The following RAB3C variants were observed in gnomAD, a reference collection of about 807,000 sequenced individuals.
RAB3C encodes RAB3C, member RAS oncogene family.
Under a neutral mutation model 26.4 loss-of-function variants are expected in RAB3C, and 17 were observed. The observed-to-expected ratio is 0.64, with a 90% CI of 0.44 to 0.97. The LOEUF (loss-of-function observed/expected upper bound fraction) is 0.97. Among genes scored for constraint, RAB3C ranks in the 50% least tolerant of loss-of-function variants. The pLI, the probability that RAB3C is intolerant of heterozygous loss-of-function variation, is 0.00. For missense variants in RAB3C, 242 were observed against 281.9 expected, an observed-to-expected ratio of 0.86 and a Z score of 1.01; for synonymous variants, 91 against 95.9, an observed-to-expected ratio of 0.95 and a Z score of 0.30.
chr5:58,814,961 A>G (rs749819302), intron 3 of RAB3C, among the ~76,000 whole-genome samples: 26 of 152,110 alleles, frequency 1.7e-4, no homozygotes, highest in Non-Finnish European at 3.5e-4. Context: ...GAGCTCTCGA[A>G]ATATGTTCTC....
intron 2 of RAB3C, among the ~76,000 whole-genome samples, chr5:58,705,128 G>A (rs778635253): frequency 2.6e-5 from 4 of 151,926 alleles, no homozygotes; most frequent in Non-Finnish European, 5.9e-5. Flanking sequence ...GGTTATTTAT[G>A]ACATCACATT....
intron 2 of RAB3C, among the ~76,000 whole-genome samples, chr5:58,624,147 G>C (rs937332357): frequency 6.6e-6 from 1 of 152,138 alleles, no homozygotes; most frequent in South Asian, 2.1e-4. Flanking sequence ...GCCAGGCACT[G>C]TGCCAGGCAT....
chr5:58,755,499 G>C lies in RAB3C; in HGVS notation c.371+29379G>C, dbSNP rs74476906. On this transcript the variant is annotated intron_variant, in intron 3 of 4. Coordinates refer to ENST00000282878, the MANE Select transcript of RAB3C (RefSeq NM_138453.4). ...ATACTGAAGTGAGTGTACCTCCATAGGCTACTGCAAGAGAGTACTAGGGGC... is the reference window on the plus strand; with the variant it reads ...ATACTGAAGTGAGTGTACCTCCATACGCTACTGCAAGAGAGTACTAGGGGC... Among the ~76,000 whole-genome samples, 9 of 152,280 alleles carry C rather than the reference G, an allele frequency of 5.9e-5. No individual in the cohort carries two copies. In the East Asian group the frequency reaches 1.5e-3, roughly 26 times the overall value.
In RAB3C at chr5:58,583,487, A is replaced by T. The variant is rs187120168; in HGVS notation, c.24+255A>T. Among the ~76,000 whole-genome samples, 11 of 152,252 alleles carry T rather than the reference A, an allele frequency of 7.2e-5. No individual in the cohort carries two copies. The East Asian group carries it at 2.1e-3, about 29-fold the overall frequency. ...TAAAGAGGATAAGAGTGTCTGTCTA[A>T]AATGAAAACCCAAGCAAACAAAAGT... On this transcript the variant is annotated intron_variant, in intron 1 of 4. Transcript: ENST00000282878.
rs145992378 is a variant in RAB3C at position 58,789,618 on chromosome 5, G to A, written c.372-35420G>A. Reference sequence around the variant, plus strand: ...AGCCAGGGCCACACAGTTAATGAGTGGAGGAGACAGGATTTGAACTCAGAT... The same window carrying A: ...AGCCAGGGCCACACAGTTAATGAGTAGAGGAGACAGGATTTGAACTCAGAT... On this transcript the variant is annotated intron_variant, in intron 3 of 4. Coordinates refer to ENST00000282878, the MANE Select transcript of RAB3C (RefSeq NM_138453.4). Among the ~76,000 whole-genome samples the A allele has an allele frequency of 1.0e-2, 1,519 of 152,240 alleles. 35 individuals carry two copies. The highest frequency in any genetic ancestry group is 0.035 in the African/African-American group (1,443 of 41,542).
At position 58,852,728 on chromosome 5, in the gene RAB3C, T is replaced by A. The variant is rs564451238; in HGVS notation, c.*1377T>A. 6.6e-6 allele frequency: 1 copy of A among 152,158 alleles called. No individual in the cohort carries two copies. Among genetic ancestry groups the A allele is most frequent in the Non-Finnish European group, 1.5e-5 (1 of 68,024 alleles). The allele number at this position is 152,158 out of a possible 1,614,324, so 9.4% of individuals were successfully genotyped here. ...GCTGTACAGAGAGCAACAGGGAAAT[T>A]TGGCCTCTGTATCACTGTCCAGCAT... On this transcript the variant is annotated 3_prime_UTR_variant, in exon 5 of 5. Transcript: ENST00000282878.
At chr5:58,765,893 C>T (rs10073245) in intron 3 of RAB3C, among the ~76,000 whole-genome samples, 18,458 of 152,052 alleles carry the variant, frequency 0.12, 1,397 homozygotes, top group Non-Finnish European at 0.18. Flanking sequence ...CTCATGAGAG[C>T]GAGTGAGTTC....
chr5:58,797,396 T>C (rs56055315), intron 3 of RAB3C, among the ~76,000 whole-genome samples: 85,158 of 116,532 alleles, frequency 0.73, 32,989 homozygotes, highest in South Asian at 0.9. Context: ...TATATATATA[T>C]ACACAGAGAG....
intron 2 of RAB3C, among the ~76,000 whole-genome samples, chr5:58,680,934 A>G (rs1363576798): frequency 6.6e-6 from 1 of 152,130 alleles, no homozygotes; most frequent in East Asian, 1.9e-4. Context: ...AGCCCACCAC[A>G]TCCCCCTTGC....
intron 3 of RAB3C, among the ~76,000 whole-genome samples, chr5:58,820,384 A>G (rs1456450610): frequency 6.6e-6 from 1 of 152,166 alleles, no homozygotes; most frequent in Non-Finnish European, 1.5e-5. Context: ...ATCACCCAAC[A>G]TGGCATTGAT....
At chr5:58,735,167 A>G (rs1344637680) in intron 3 of RAB3C, among the ~76,000 whole-genome samples, 1 of 152,204 alleles carries the variant, frequency 6.6e-6, no homozygotes, top group East Asian at 1.9e-4. Flanking sequence ...TATTTAAAGC[A>G]GCAAAGTCAC....
At chr5:58,747,637 A>C (rs1021338647) in intron 3 of RAB3C, among the ~76,000 whole-genome samples, 9 of 152,062 alleles carry the variant, frequency 5.9e-5, no homozygotes, top group Non-Finnish European at 8.8e-5. Flanking sequence ...CTTACAAAGA[A>C]AATTGCACAA....
intron 4 of RAB3C, among the ~76,000 whole-genome samples, chr5:58,835,398 A>G (rs1743722901): frequency 1.3e-5 from 2 of 152,198 alleles, no homozygotes; most frequent in African/African-American, 2.4e-5. Flanking sequence ...TCCAAGGGAC[A>G]TCAATATGCA....
chr5:58,711,701 A>G (rs1749065466), intron 2 of RAB3C, among the ~76,000 whole-genome samples: 1 of 152,176 alleles, frequency 6.6e-6, no homozygotes, highest in Admixed American at 6.5e-5. Flanking sequence ...AAGAACTCAA[A>G]GGGGTTTAAT....
chr5:58,704,812 C>G (rs1423134359), intron 2 of RAB3C, among the ~76,000 whole-genome samples: 1 of 151,666 alleles, frequency 6.6e-6, no homozygotes, highest in Non-Finnish European at 1.5e-5. Context: ...ACATTTAGTT[C>G]CAGTTTGAGT....
chr5:58,620,752 G>A (rs386161), intron 2 of RAB3C, among the ~76,000 whole-genome samples: 1 of 151,968 alleles, frequency 6.6e-6, no homozygotes, highest in East Asian at 1.9e-4. Context: ...CTAACACTGC[G>A]CTAATTAAGA....
At chr5:58,832,167 C>A (rs1004593897) in intron 4 of RAB3C, among the ~76,000 whole-genome samples, 1 of 152,172 alleles carries the variant, frequency 6.6e-6, no homozygotes, top group Non-Finnish European at 1.5e-5. Flanking sequence ...TTCATGCACC[C>A]TAGTCTAGTC....
intron 2 of RAB3C, among the ~76,000 whole-genome samples, chr5:58,643,816 G>GT (rs1232711042): frequency 6.6e-6 from 1 of 152,152 alleles, no homozygotes; most frequent in African/African-American, 2.4e-5. Context: ...AAGCAATACT[G>GT]TTTTAGTTTT....
At chr5:58,801,231 A>C (rs1742801983) in intron 3 of RAB3C, among the ~76,000 whole-genome samples, 1 of 152,196 alleles carries the variant, frequency 6.6e-6, no homozygotes, top group African/African-American at 2.4e-5. Flanking sequence ...CTAGGACCAG[A>C]AGTCTCAAGC....
Sources: gnomAD v4.1 joint callset for allele counts (sites outside exome capture counted in the v4.1 genomes callset) on GRCh38, gnomAD v4.1.1 for gene constraint, MANE v1.5 for transcripts, NCBI Gene and HGNC (gene_info 2026-07-23, HGNC 2026-07-21) for gene names.